The following ZNF713 variants were observed in gnomAD, a reference collection of about 807,000 sequenced individuals.
ZNF713 encodes zinc finger protein 713.
Under a neutral mutation model 28.7 loss-of-function variants are expected in ZNF713, and 21 were observed. That is an observed-to-expected ratio of 0.73 (90% CI 0.52 to 1.05). The LOEUF (loss-of-function observed/expected upper bound fraction) is 1.05, where lower values mean the gene tolerates loss of function less well. Ranked by LOEUF, ZNF713 falls within the 50% of genes least tolerant of loss-of-function variation. The pLI is 0.00. For missense variants in ZNF713, 458 were observed against 532.4 expected, an observed-to-expected ratio of 0.86 and a Z score of 1.37; for synonymous variants, 167 against 178.0, an observed-to-expected ratio of 0.94 and a Z score of 0.49.
At chr7:55,887,951 A>G (rs1303981688) in intron 1 of ZNF713, among the ~76,000 whole-genome samples, 4 of 148,278 alleles carry the variant, frequency 2.7e-5, no homozygotes, top group African/African-American at 9.8e-5. Flanking sequence ...CGCTGTCCCC[A>G]TTCCTGTCAC....
chr7:55,908,992 T>G (rs912866840), intron 2 of ZNF713, among the ~76,000 whole-genome samples: 1 of 151,852 alleles, frequency 6.6e-6, no homozygotes, highest in African/African-American at 2.4e-5. Flanking sequence ...GGTCAGGAGA[T>G]CGAGACCATC....
chr7:55,934,380 T>C (rs1786302967), intron 6 of ZNF713, among the ~76,000 whole-genome samples: 1 of 152,182 alleles, frequency 6.6e-6, no homozygotes, highest in East Asian at 1.9e-4. Flanking sequence ...AAGCTAAACA[T>C]AATGAAATAA....
At chr7:55,892,873 A>G (rs1417914269) in intron 1 of ZNF713, among the ~76,000 whole-genome samples, 3 of 146,996 alleles carry the variant, frequency 2.0e-5, no homozygotes, top group Non-Finnish European at 3.0e-5. Flanking sequence ...TTGTTTGGGA[A>G]AAAAAAAAAA....
chr7:55,934,551 T>A (rs1161898015), intron 6 of ZNF713, among the ~76,000 whole-genome samples: 1 of 152,152 alleles, frequency 6.6e-6, no homozygotes, highest in Admixed American at 6.6e-5. Flanking sequence ...TCTCCCAGGC[T>A]TAGGTACAGT....
intron 2 of ZNF713, among the ~76,000 whole-genome samples, chr7:55,908,135 GTTTTTTTTTTTT>G (rs71015120): frequency 7.3e-5 from 4 of 54,658 alleles, no homozygotes; most frequent in Non-Finnish European, 1.4e-4. Context: ...ATCCGTTGTT[GTTTTTTTTTTTT>G]TTTTTTTTTT....
rs977880427 is a variant in ZNF713 at position 55,935,090 on chromosome 7, C to T, written c.308-3892C>T. On this transcript the variant is annotated intron_variant, in intron 6 of 6. Coordinates refer to ENST00000429591, the MANE Select transcript of ZNF713 (RefSeq NM_182633.3). ...TTTTTTAGTAGAGATGGGGTTTCAC[C>T]GTGTTGGCCAGGCTGGTCTTGAACT... Among the ~76,000 whole-genome samples, 6 of 151,728 alleles carry T rather than the reference C, an allele frequency of 4.0e-5. No homozygotes were observed. In the East Asian group the frequency reaches 9.8e-4, roughly 25 times the overall value.
chr7:55,892,144 G>A (rs998899614), intron 1 of ZNF713, among the ~76,000 whole-genome samples: 1 of 151,938 alleles, frequency 6.6e-6, no homozygotes, highest in Non-Finnish European at 1.5e-5. Flanking sequence ...GCTGGGCCTG[G>A]TGGCGGGCGC....
chr7:55,931,692 A>C (rs1248185931), intron 6 of ZNF713, among the ~76,000 whole-genome samples: 1 of 151,354 alleles, frequency 6.6e-6, no homozygotes, highest in Non-Finnish European at 1.5e-5. Flanking sequence ...CCTGTTTCCT[A>C]AACAATGTAG....
chr7:55,917,579 C>T (rs775018609), intron 4 of ZNF713, among the ~76,000 whole-genome samples: 10 of 152,024 alleles, frequency 6.6e-5, no homozygotes, highest in Non-Finnish European at 1.0e-4. Flanking sequence ...GTGGTGTGCA[C>T]CTGTAGTCCC....
In ZNF713 at chr7:55,890,580, A is replaced by G. The variant is rs573558487; in HGVS notation, c.-583+2900A>G. 1.5e-3 allele frequency among the ~76,000 whole-genome samples: 228 copies of G among 152,310 alleles called. 1 individual carries two copies. Among genetic ancestry groups the G allele is most frequent in the South Asian group, 4.3e-3 (21 of 4,828 alleles). ...TTAGTCCATAACAGTTACAACATCAAAATGAGTTGAAAATTCTAATCTGCT... is the reference window on the plus strand; with the variant it reads ...TTAGTCCATAACAGTTACAACATCAGAATGAGTTGAAAATTCTAATCTGCT... On this transcript the variant is annotated intron_variant, in intron 1 of 6. Coordinates refer to ENST00000429591, the MANE Select transcript of ZNF713 (RefSeq NM_182633.3).
chr7:55,921,243 C>T (rs970490313), intron 4 of ZNF713, among the ~76,000 whole-genome samples: 3 of 152,120 alleles, frequency 2.0e-5, no homozygotes, highest in Non-Finnish European at 4.4e-5. Context: ...CCTGGTTACC[C>T]AGGAGCTCTG....
intron 2 of ZNF713, among the ~76,000 whole-genome samples, chr7:55,908,991 A>G (rs1352779777): frequency 6.6e-6 from 1 of 151,634 alleles, no homozygotes; most frequent in Non-Finnish European, 1.5e-5. Context: ...AGGTCAGGAG[A>G]TCGAGACCAT....
At chr7:55,933,395 G>A (rs975805416) in intron 6 of ZNF713, among the ~76,000 whole-genome samples, 3 of 151,298 alleles carry the variant, frequency 2.0e-5, no homozygotes, top group African/African-American at 4.9e-5. Context: ...TCCTGAGTTC[G>A]AGTGATTCTC....
chr7:55,887,880 C>G (rs1310895379), intron 1 of ZNF713, among the ~76,000 whole-genome samples, 200 bp downstream of exon 1: 1 of 13,998 alleles, frequency 7.1e-5, no homozygotes, highest in Non-Finnish European at 1.4e-4. Flanking sequence ...GCGGCGGCGG[C>G]GGCGGCGGGC....
chr7:55,923,114 C>A (rs900757544), intron 4 of ZNF713, 48 bp from the exon 5 acceptor site: 1 of 1,561,588 alleles, frequency 6.4e-7, no homozygotes, highest in African/African-American at 1.4e-5. Context: ...CTTGAGGGTC[C>A]CTGTAAGAAC....
At position 55,940,428 on chromosome 7, in the gene ZNF713, A is replaced by G. The variant is rs986479284; in HGVS notation, c.*422A>G. The stretch of plus-strand genomic sequence containing the variant: ...CGTGGGCCACTGCGCCTGGCCATAA[A>G]CTTTCAATGCGTAGAAACCAAATTA... On this transcript the variant is annotated 3_prime_UTR_variant, in exon 7 of 7. Transcript: ENST00000429591. The G allele has an allele frequency of 4.0e-6, 4 of 988,358 alleles. No individual in the cohort carries two copies. 61.2% of individuals were successfully genotyped at this position (988,358 alleles called of 1,614,324 possible).
chr7:55,896,340 A>G (rs1032869138), intron 1 of ZNF713, among the ~76,000 whole-genome samples: 2 of 152,168 alleles, frequency 1.3e-5, no homozygotes, highest in African/African-American at 4.8e-5. Flanking sequence ...GATGAAAAGA[A>G]TTCCACATAA....
chr7:55,940,107 G>A lies in ZNF713; in HGVS notation c.*101G>A. 1 of 1,458,786 alleles carries A rather than the reference G, an allele frequency of 6.9e-7. No individual in the cohort carries two copies. Among genetic ancestry groups the A allele is most frequent in the Non-Finnish European group, 9.0e-7 (1 of 1,112,450 alleles). The allele number at this position is 1,458,786 out of a possible 1,614,324, so 90.4% of individuals were successfully genotyped here. ...TCAAATTATTCATAGTGGAGAGAAAGCTTATACATAAATTTTTGTTTTGTT... is the reference window on the plus strand; with the variant it reads ...TCAAATTATTCATAGTGGAGAGAAAACTTATACATAAATTTTTGTTTTGTT... On this transcript the variant is annotated 3_prime_UTR_variant, in exon 7 of 7. Transcript: ENST00000429591.
chr7:55,925,258 C>T (rs529416010), intron 6 of ZNF713, among the ~76,000 whole-genome samples: 13 of 152,282 alleles, frequency 8.5e-5, no homozygotes, highest in African/African-American at 1.7e-4. Flanking sequence ...TCAAACTCTT[C>T]GGCTTTTTCA....
Sources: allele counts gnomAD v4.1 joint callset (sites outside exome capture counted in the v4.1 genomes callset), GRCh38; gene constraint gnomAD v4.1.1; transcripts MANE v1.5; gene names NCBI Gene and HGNC (gene_info 2026-07-23, HGNC 2026-07-21).